Variants in SCFD2 observed in about 807,000 individuals in gnomAD.
The protein encoded by SCFD2 is sec1 family domain-containing protein 2.
Under a neutral mutation model 58.9 loss-of-function variants are expected in SCFD2, and 54 were observed. That is an observed-to-expected ratio of 0.92 (90% CI 0.74 to 1.15). The LOEUF is 1.15. Among genes scored for constraint, SCFD2 ranks in the 50% most tolerant of loss-of-function variants. SCFD2 has a pLI of 0.00. For missense variants in SCFD2, 805 were observed against 836.6 expected (o/e 0.96, Z 0.47); for synonymous variants, 321 against 335.9 (o/e 0.96, Z 0.49).
chr4:53,251,120 C>G (rs1386176027), intron 4 of SCFD2, among the ~76,000 whole-genome samples: 1 of 152,178 alleles, frequency 6.6e-6, no homozygotes, highest in African/African-American at 2.4e-5. Context: ...CGCAAATAAA[C>G]AAGAAAATCT....
At chr4:53,076,807 G>A (rs189911757) in intron 5 of SCFD2, among the ~76,000 whole-genome samples, 1 of 152,220 alleles carries the variant, frequency 6.6e-6, no homozygotes, top group Non-Finnish European at 1.5e-5. Context: ...TATCCAACAC[G>A]GGCTGCTTCC....
At chr4:53,021,824 A>C (rs530981978) in intron 5 of SCFD2, among the ~76,000 whole-genome samples, 1 of 152,266 alleles carries the variant, frequency 6.6e-6, no homozygotes, top group East Asian at 1.9e-4. Flanking sequence ...TGCCGACAGA[A>C]GAATATGTAG....
intron 1 of SCFD2, among the ~76,000 whole-genome samples, chr4:53,363,693 G>A (rs1734613999): frequency 6.6e-6 from 1 of 151,802 alleles, no homozygotes; most frequent in East Asian, 1.9e-4. Flanking sequence ...CGTAGTGGCG[G>A]GCGCCTGTAG....
At chr4:53,256,787 G>C (rs997755775) in intron 4 of SCFD2, among the ~76,000 whole-genome samples, 1 of 151,480 alleles carries the variant, frequency 6.6e-6, no homozygotes, top group Admixed American at 6.6e-5. Context: ...ATCAGGCAGG[G>C]GGGTTGCAGT....
At chr4:53,204,964 T>G (rs545401155) in intron 4 of SCFD2, among the ~76,000 whole-genome samples, 1 of 152,052 alleles carries the variant, frequency 6.6e-6, no homozygotes, top group East Asian at 1.9e-4. Context: ...GCCATATTAC[T>G]AATAGGAAGA....
chr4:53,198,152 G>A (rs1728116892), intron 4 of SCFD2, among the ~76,000 whole-genome samples: 1 of 151,892 alleles, frequency 6.6e-6, no homozygotes, highest in African/African-American at 2.4e-5. Flanking sequence ...TCTTAATTCT[G>A]GAAATACGAG....
intron 8 of SCFD2, among the ~76,000 whole-genome samples, chr4:52,882,418 GTTAA>G (rs1718639361): frequency 6.6e-6 from 1 of 152,176 alleles, no homozygotes; most frequent in South Asian, 2.1e-4. Flanking sequence ...CTCCATGACG[GTTAA>G]TTGAGTGTCA....
At chr4:53,341,270 G>A (rs1733862971) in intron 2 of SCFD2, among the ~76,000 whole-genome samples, 1 of 152,164 alleles carries the variant, frequency 6.6e-6, no homozygotes, top group Non-Finnish European at 1.5e-5. Flanking sequence ...AAATGACCTG[G>A]TGGAGCTGAA....
chr4:53,205,793 C>A (rs544162353), intron 4 of SCFD2, among the ~76,000 whole-genome samples: 1 of 150,998 alleles, frequency 6.6e-6, no homozygotes, highest in South Asian at 2.1e-4. Context: ...ACCCAGGAAG[C>A]GGAGCTTGCA....
At chr4:53,001,972 A>AT (rs1721873680) in intron 5 of SCFD2, among the ~76,000 whole-genome samples, 1 of 152,202 alleles carries the variant, frequency 6.6e-6, no homozygotes, top group African/African-American at 2.4e-5. Context: ...CAAAGCCAAC[A>AT]TTTTTTCCAC....
chr4:53,047,934 C>G (rs541473810), intron 5 of SCFD2, among the ~76,000 whole-genome samples: 3 of 152,186 alleles, frequency 2.0e-5, no homozygotes, highest in Non-Finnish European at 4.4e-5. Flanking sequence ...TCTGCCCTGA[C>G]TGGTCACATG....
intron 5 of SCFD2, among the ~76,000 whole-genome samples, chr4:52,972,900 C>T (rs1022858374): frequency 2.0e-5 from 3 of 152,184 alleles, no homozygotes; most frequent in African/African-American, 7.2e-5. Flanking sequence ...AGCTGAACAA[C>T]CTGCTCCTGA....
intron 4 of SCFD2, among the ~76,000 whole-genome samples, chr4:53,165,093 C>G (rs1726968030): frequency 6.6e-6 from 1 of 152,210 alleles, no homozygotes; most frequent in Admixed American, 6.5e-5. Context: ...CTTACTCTTG[C>G]TGCTCCTGGA....
At chr4:53,120,726 A>C (rs1281873648) in intron 5 of SCFD2, among the ~76,000 whole-genome samples, 1 of 152,168 alleles carries the variant, frequency 6.6e-6, no homozygotes, top group Non-Finnish European at 1.5e-5. Flanking sequence ...AGAAAAAGAA[A>C]ATTTATTGAA....
In SCFD2 at chr4:53,106,127, C is replaced by T. The variant is rs187841204; in HGVS notation, c.1561+39206G>A. Among the ~76,000 whole-genome samples, 9 of 152,248 alleles carry T rather than the reference C, an allele frequency of 5.9e-5. No individual in the cohort carries two copies. In the East Asian group the frequency reaches 7.7e-4, roughly 13 times the overall value. On this transcript the variant is annotated intron_variant, in intron 5 of 8. Coordinates refer to ENST00000401642, the MANE Select transcript of SCFD2 (RefSeq NM_152540.4). ...CACTAGCAGACCTGCAGCAGAGGGG[C>T]CTGACTGTTTAGAAGGAAAACAAAT... is the stretch of plus-strand genomic sequence containing the variant.
intron 5 of SCFD2, among the ~76,000 whole-genome samples, chr4:53,120,784 A>G (rs1725457315): frequency 6.6e-6 from 1 of 152,250 alleles, no homozygotes; most frequent in South Asian, 2.1e-4. Context: ...GGGTGTTGGT[A>G]TAACATGGCC....
chr4:53,343,605 A>T (rs1158493896), intron 2 of SCFD2, among the ~76,000 whole-genome samples: 1 of 152,224 alleles, frequency 6.6e-6, no homozygotes, highest in Non-Finnish European at 1.5e-5. Flanking sequence ...TCATTTTATG[A>T]GGCCAGCATC....
chr4:53,325,225 A>T (rs1733152761), intron 2 of SCFD2, among the ~76,000 whole-genome samples: 2 of 114,186 alleles, frequency 1.8e-5, no homozygotes, highest in Non-Finnish European at 3.5e-5. Context: ...TTGTGACAGT[A>T]AAAAAAAAAA....
rs1023669894 is a variant in SCFD2, at chr4:52,929,811, G to A, written c.1562-8941C>T. Among the ~76,000 whole-genome samples the A allele has an allele frequency of 1.2e-4, 18 of 152,266 alleles. No individual in the cohort carries two copies. The East Asian group carries it at 2.1e-3, about 18-fold the overall frequency. On this transcript the variant is annotated intron_variant, in intron 5 of 8. Transcript: ENST00000401642. The stretch of plus-strand genomic sequence containing the variant: ...TAGGAATCCAACTTACAAGGGATGC[G>A]CTGGACCTCTTCAGGGAGAACTGCA...
Sources: allele counts gnomAD v4.1 joint callset (sites outside exome capture counted in the v4.1 genomes callset), GRCh38; gene constraint gnomAD v4.1.1; transcripts MANE v1.5; gene names NCBI Gene and HGNC (gene_info 2026-07-23, HGNC 2026-07-21).